The following TROAP variants were observed in gnomAD, a reference collection of about 807,000 sequenced individuals.
TROAP encodes tastin.
In TROAP, 62 loss-of-function variants were observed where a neutral mutation model predicts 83.4. That is an observed-to-expected ratio of 0.74 (90% CI 0.61 to 0.92). The LOEUF is 0.92. Among genes scored for constraint, TROAP ranks in the 40% least tolerant of loss-of-function variants. The pLI is 0.00. For missense variants in TROAP, 876 were observed against 985.1 expected, an observed-to-expected ratio of 0.89 and a Z score of 1.48; for synonymous variants, 352 against 386.4, an observed-to-expected ratio of 0.91 and a Z score of 1.04.
chr12:49,328,160 G>A (rs1943527238), intron 8 of TROAP, among the ~76,000 whole-genome samples: 1 of 151,186 alleles, frequency 6.6e-6, no homozygotes, highest in East Asian at 1.9e-4. Flanking sequence ...TGGAATGAGT[G>A]GAAAGCCATG....
chr12:49,330,277 A>C lies in TROAP; in HGVS notation c.1432A>C (p.Thr478Pro). 1 of 1,613,916 alleles carries C rather than the reference A, an allele frequency of 6.2e-7. No homozygotes were observed. The highest frequency in any genetic ancestry group is 8.5e-7 in the Non-Finnish European group (1 of 1,179,970). The change falls in exon 13 of 15, where the codon ACT (threonine) becomes CCT (proline). Residue 478 changes from threonine to proline, a missense_variant. Thr to Pro is a conservative substitution (Grantham distance 38). Coordinates refer to ENST00000257909, the MANE Select transcript of TROAP (RefSeq NM_005480.4). Reference sequence around the variant, plus strand: ...GCCCCTGCTGACTGAGATTTCTAGAACTCTGAATGCCACAGAGCATAACTC... The same window carrying C: ...GCCCCTGCTGACTGAGATTTCTAGACCTCTGAATGCCACAGAGCATAACTC... ...LQPLLTEISRTLNATEHNSGT... is the reference protein window; with the variant it reads ...LQPLLTEISRPLNATEHNSGT...
chr12:49,324,873 A>G (rs1163011060), intron 3 of TROAP, among the ~76,000 whole-genome samples: 1 of 138,784 alleles, frequency 7.2e-6, no homozygotes, highest in African/African-American at 2.7e-5. Flanking sequence ...GATTACCAGC[A>G]CCTGCCACCA....
intron 12 of TROAP, 46 bp from the exon 13 acceptor site, chr12:49,330,099 G>A (rs562984518): frequency 1.2e-6 from 2 of 1,606,854 alleles, no homozygotes; most frequent in African/African-American, 1.3e-5. Context: ...GTAGACTACT[G>A]AACGCACATC....
rs910122339 is a variant in TROAP, at chr12:49,329,525, G to C, written c.1164+71G>C. 2 of 1,519,146 alleles carry C rather than the reference G, an allele frequency of 1.3e-6. No homozygotes were observed. Among genetic ancestry groups the C allele is most frequent in the Non-Finnish European group, 1.8e-6 (2 of 1,125,988 alleles). The allele number at this position is 1,519,146 out of a possible 1,614,324, so 94.1% of individuals were successfully genotyped here. A position where few individuals can be genotyped will look rare whatever the true frequency, so the allele number is the denominator to read the frequency against. On this transcript the variant is annotated intron_variant, in intron 11 of 14. Coordinates refer to ENST00000257909, the MANE Select transcript of TROAP (RefSeq NM_005480.4). This position sits in a 1 kb window ranked among gnomAD's most constrained non-coding sequence, Gnocchi z 4.5. ...TGCCAGCCTGGAGGCCCAGGAGTTT[G>C]AGGCACACGTGCTTTCTGGGCCAGG...
chr12:49,323,540 C>G, intron 1 of TROAP, 64 bp from the exon 2 acceptor site: 3 of 1,571,414 alleles, frequency 1.9e-6, no homozygotes, highest in Non-Finnish European at 2.6e-6. Context: ...AGGACAGGTG[C>G]CCCGAGAACT....
intron 8 of TROAP, among the ~76,000 whole-genome samples, chr12:49,328,646 C>T (rs1334514775): frequency 5.9e-5 from 9 of 151,984 alleles, no homozygotes; most frequent in African/African-American, 2.2e-4. Context: ...GGGCAGATCA[C>T]GAGGTCAGGA....
At position 49,330,231 on chromosome 12, in the gene TROAP, T is replaced by G; in HGVS notation, c.1386T>G (p.Ser462=). Residue 462 remains serine (S), a synonymous_variant, in exon 13 of 15, where the codon TCT becomes TCG. Coordinates refer to ENST00000257909, the MANE Select transcript of TROAP (RefSeq NM_005480.4). ...GTGTCCCTCTTAATGGAGGCTCTTC[T>G]CTGGATATGGTTGAACTTCAGCCCC... ...GQCVPLNGGS[S]LDMVELQPLL... is the part of the protein sequence containing the mutation. The G allele has an allele frequency of 6.2e-7, 1 of 1,614,134 alleles. No individual in the cohort carries two copies. Among genetic ancestry groups the G allele is most frequent in the South Asian group, 1.1e-5 (1 of 91,088 alleles).
In TROAP at chr12:49,330,180, A is replaced by G. The variant is rs4243545; in HGVS notation, c.1335A>G (p.Glu445=). 265,251 of 1,613,824 alleles carry G rather than the reference A, an allele frequency of 0.16. 24,551 individuals are homozygous for G. Among genetic ancestry groups the G allele is most frequent in the African/African-American group, 0.37 (27,612 of 74,922 alleles). ...IGILQQLLRQ[E]VEGLVGGQCV... is the part of the protein sequence containing the mutation. The stretch of plus-strand genomic sequence containing the variant: ...TCCTGCAACAGCTGTTGAGACAGGA[A>G]GTAGAGGGGCTGGTAGGGGGCCAGT... The change falls in exon 13 of 15, where the codon GAA becomes GAG. Residue 445 remains glutamate, a synonymous_variant. Transcript: ENST00000257909.
In TROAP at chr12:49,325,875, A is replaced by G. The variant is rs1300976249; in HGVS notation, c.624A>G (p.Leu208=). The stretch of plus-strand genomic sequence containing the variant: ...GCCGGACATTGTGCCCCCAGAGGCT[A>G]CAGGCTCTGGTGAGTGCCCTTGAGG... ...PRGRTLCPQR[L]QALISPSGPS... Residue 208 remains leucine, a synonymous_variant, in exon 5 of 15, where the codon CTA becomes CTG. Coordinates refer to ENST00000257909, the MANE Select transcript of TROAP (RefSeq NM_005480.4). 1 of 1,613,108 alleles carries G rather than the reference A, an allele frequency of 6.2e-7. No homozygotes were observed. Among genetic ancestry groups the G allele is most frequent in the Admixed American group, 1.7e-5 (1 of 59,968 alleles).
chr12:49,330,087 G>C (rs2137073342), intron 12 of TROAP, 58 bp from the exon 13 acceptor site: 1 of 1,605,916 alleles, frequency 6.2e-7, no homozygotes, highest in East Asian at 2.2e-5. Context: ...AGGACAGTGT[G>C]GGTAGACTAC....
rs1164381469 is a variant in TROAP at position 49,329,816 on chromosome 12, C to A, written c.1165-41C>A. On this transcript the variant is annotated intron_variant, in intron 11 of 14. Coordinates refer to ENST00000257909, the MANE Select transcript of TROAP (RefSeq NM_005480.4). This position sits in a 1 kb window ranked among gnomAD's most constrained non-coding sequence, Gnocchi z 4.5. ...GGACTCAGGCTGGTCTTTCTCCTGCCCCAGCCTGGCTTGCTTGTGTGCCTT... is the reference window on the plus strand; with the variant it reads ...GGACTCAGGCTGGTCTTTCTCCTGCACCAGCCTGGCTTGCTTGTGTGCCTT... 6.2e-7 allele frequency: 1 copy of A among 1,605,376 alleles called. No homozygotes were observed.
intron 3 of TROAP, 44 bp from the exon 4 acceptor site, chr12:49,325,457 C>T: frequency 3.1e-6 from 5 of 1,593,574 alleles, no homozygotes; most frequent in Non-Finnish European, 4.3e-6. Context: ...GCCCTATCCC[C>T]CTCAGCCTTC....
At chr12:49,327,071 G>T (rs1046930807) in intron 7 of TROAP, 138 bp from the exon 8 acceptor site, 1 of 1,035,504 alleles carries the variant, frequency 9.7e-7, no homozygotes. Flanking sequence ...GTGTTGAGGG[G>T]CTGCTGGATG....
chr12:49,323,590 C>A lies in TROAP; in HGVS notation c.-5-14C>A. ...CTTAGATTCTGCCTGCCTTCTTCCC[C>A]GTCTCAATTGTAGCCATCATGACCA... On this transcript the variant is annotated splice_polypyrimidine_tract_variant and intron_variant, in intron 1 of 14. Transcript: ENST00000257909. 5.0e-6 allele frequency: 8 copies of A among 1,610,420 alleles called. No individual in the cohort carries two copies. The highest frequency in any genetic ancestry group is 6.8e-6 in the Non-Finnish European group (8 of 1,177,136).
In TROAP at chr12:49,329,768, T is replaced by G. The variant is rs1168580401; in HGVS notation, c.1165-89T>G. On this transcript the variant is annotated intron_variant, in intron 11 of 14. Coordinates refer to ENST00000257909, the MANE Select transcript of TROAP (RefSeq NM_005480.4). The surrounding 1 kb of genome is among the most constrained non-coding windows in gnomAD (Gnocchi z 4.5). ...ATCTAGGGCCTCTCAGTTAGGGGCT[T>G]CAATCCATTCCTCATGAGGGTGGGA... 1.9e-6 allele frequency: 3 copies of G among 1,542,836 alleles called. No individual in the cohort carries two copies. The African/African-American group carries it at 4.1e-5, about 21-fold the overall frequency.
At position 49,329,532 on chromosome 12, in the gene TROAP, A is replaced by G; in HGVS notation, c.1164+78A>G. 6.7e-7 allele frequency: 1 copy of G among 1,500,098 alleles called. No homozygotes were observed. The highest frequency in any genetic ancestry group is 9.0e-7 in the Non-Finnish European group (1 of 1,111,026). The allele number at this position is 1,500,098 out of a possible 1,614,324, so 92.9% of individuals were successfully genotyped here. ...CTGGAGGCCCAGGAGTTTGAGGCACACGTGCTTTCTGGGCCAGGCATGGTG... is the reference window on the plus strand; with the variant it reads ...CTGGAGGCCCAGGAGTTTGAGGCACGCGTGCTTTCTGGGCCAGGCATGGTG... On this transcript the variant is annotated intron_variant, in intron 11 of 14. Coordinates refer to ENST00000257909, the MANE Select transcript of TROAP (RefSeq NM_005480.4). This position sits in a 1 kb window ranked among gnomAD's most constrained non-coding sequence, Gnocchi z 4.5.
rs1159753593 is a variant in TROAP, at chr12:49,330,844, C to T, written c.1999C>T (p.Pro667Ser). The stretch of plus-strand genomic sequence containing the variant: ...ACCACCCTGCTGCAGTCAGTGGGCT[C>T]CAGCAACCACCAGCCTGATCTTCTC... Reference protein sequence around the residue: ...SLPPCCSQWAPATTSLIFSSQ... With the variant: ...SLPPCCSQWASATTSLIFSSQ... The change falls in exon 13 of 15, where the codon CCA (proline) becomes TCA (serine). Residue 667 changes from proline to serine, a missense_variant. Coordinates refer to ENST00000257909, the MANE Select transcript of TROAP (RefSeq NM_005480.4). 7 of 1,613,302 alleles carry T rather than the reference C, an allele frequency of 4.3e-6. No individual in the cohort carries two copies. In the South Asian group the frequency reaches 7.7e-5, roughly 18 times the overall value.
Position 49,330,381 on chromosome 12 carries a change from A to G in TROAP, c.1536A>G (p.Pro512=), listed in dbSNP as rs755723828. ...KPCLPEECGE[P]QPCPPAEPGP... Reference sequence around the variant, plus strand: ...GTCTTCCAGAGGAGTGCGGGGAACCACAGCCCTGCCCTCCGGCAGAGCCTG... The same window carrying G: ...GTCTTCCAGAGGAGTGCGGGGAACCGCAGCCCTGCCCTCCGGCAGAGCCTG... The change falls in exon 13 of 15, where the codon CCA becomes CCG. Residue 512 remains proline, a synonymous_variant. Transcript: ENST00000257909. 1.9e-6 allele frequency: 3 copies of G among 1,614,052 alleles called. No individual in the cohort carries two copies. In the African/African-American group the frequency reaches 4.0e-5, roughly 22 times the overall value.
intron 1 of TROAP, 122 bp from the exon 2 acceptor site, chr12:49,323,482 C>G (rs1592308048): frequency 1.4e-6 from 2 of 1,386,470 alleles, no homozygotes; most frequent in Non-Finnish European, 9.8e-7. Context: ...CTTGCAGGCG[C>G]CGGGGGCTTG....
Sources: gnomAD v4.1 joint callset for allele counts (sites outside exome capture counted in the v4.1 genomes callset) on GRCh38, gnomAD v4.1.1 for gene constraint, Gnocchi (gnomAD v3.1) non-coding constraint, MANE v1.5 for transcripts, NCBI Gene and HGNC (gene_info 2026-07-23, HGNC 2026-07-21) for gene names.